Variants in TRPC1 observed in about 807,000 individuals in gnomAD.
The protein encoded by TRPC1 is transient receptor potential cation channel subfamily C member 1.
Under a neutral mutation model 88.2 loss-of-function variants are expected in TRPC1, and 42 were observed. That is an observed-to-expected ratio of 0.48 (90% CI 0.37 to 0.62). The LOEUF (loss-of-function observed/expected upper bound fraction) is 0.62, where lower values mean the gene tolerates loss of function less well. Ranked by LOEUF, TRPC1 falls within the 20% of genes least tolerant of loss-of-function variation. The pLI is 0.00. For synonymous variants in TRPC1, 288 were observed against 331.8 expected (o/e 0.87, Z 1.43); for missense variants, 699 against 957.3 (o/e 0.73, Z 3.56).
chr3:142,769,887 C>G (rs565206197), intron 4 of TRPC1, among the ~76,000 whole-genome samples: 1 of 151,876 alleles, frequency 6.6e-6, no homozygotes, highest in Non-Finnish European at 1.5e-5. Flanking sequence ...ATGTCTGTTA[C>G]GTCTAGTTCA....
chr3:142,736,181 C>T (rs1400829370), intron 1 of TRPC1, among the ~76,000 whole-genome samples, 198 bp from the exon 2 acceptor site: 1 of 151,548 alleles, frequency 6.6e-6, no homozygotes, highest in Non-Finnish European at 1.5e-5. Flanking sequence ...CTTTTTATGT[C>T]TGCTGCTGAT....
intron 1 of TRPC1, among the ~76,000 whole-genome samples, chr3:142,733,515 A>G (rs1362276587): frequency 6.6e-6 from 1 of 152,180 alleles, no homozygotes; most frequent in Non-Finnish European, 1.5e-5. Context: ...CTCTGTCTTA[A>G]AAACAAAACA....
chr3:142,724,396 C>G lies in TRPC1; in HGVS notation c.-164C>G, dbSNP rs1004888406. On this transcript the variant is annotated 5_prime_UTR_variant, in exon 1 of 13. Transcript: ENST00000476941. This position sits in a 1 kb window ranked among gnomAD's most constrained non-coding sequence, Gnocchi z 5.6. Reference sequence around the variant, plus strand: ...TCAGTGGAGGGCGAGTGCTGGTTCTCAGGGGAGGCGACGCCCTTCGGGGCC... The same window carrying G: ...TCAGTGGAGGGCGAGTGCTGGTTCTGAGGGGAGGCGACGCCCTTCGGGGCC... The G allele has an allele frequency of 1.7e-6, 1 of 575,404 alleles. No homozygotes were observed. The highest frequency in any genetic ancestry group is 2.8e-6 in the Non-Finnish European group (1 of 357,142). 35.6% of individuals were successfully genotyped at this position (575,404 alleles called of 1,614,324 possible).
At chr3:142,744,428 A>G (rs1044049430) in intron 3 of TRPC1, among the ~76,000 whole-genome samples, 4 of 152,144 alleles carry the variant, frequency 2.6e-5, no homozygotes, top group Non-Finnish European at 4.4e-5. Flanking sequence ...AATGTGGACA[A>G]AAATGTTGGT....
chr3:142,748,338 C>A lies in TRPC1; in HGVS notation c.510C>A (p.Asn170Lys), dbSNP rs187612054. 1.9e-6 allele frequency: 3 copies of A among 1,613,978 alleles called. No individual in the cohort carries two copies. The change falls in exon 4 of 13, where the codon AAC (asparagine) becomes AAA (lysine). Residue 170 changes from asparagine (N) to lysine (K), a missense_variant. By Grantham distance (94) the Asn-to-Lys change is moderately conservative. This residue lies in a region of TRPC1 where 426 missense variants were observed against 641.3 expected (regional missense o/e 0.66). Transcript: ENST00000476941. ...CTGTCATTTTAGCTGCTCATCGTAA[C>A]AACTATGAAATTCTTACAATGCTCT... Reference protein sequence around the residue: ...VAPVILAAHRNNYEILTMLLK... With the variant: ...VAPVILAAHRKNYEILTMLLK...
intron 1 of TRPC1, among the ~76,000 whole-genome samples, chr3:142,730,706 A>G (rs1270406754): frequency 7.6e-6 from 1 of 131,422 alleles, no homozygotes; most frequent in African/African-American, 3.2e-5. Flanking sequence ...TTCCAGATCC[A>G]GCAACTGAAC....
rs1936789440 is a variant in TRPC1, at chr3:142,806,199, G to A, written c.2346G>A (p.Arg782=). ...AAATAAGGGATTTACTTGGCTTTCG[G>A]ACTTCTAAATATGCTATGTTTTATC... ...RNEIRDLLGF[R]TSKYAMFYPR... is the part of the protein sequence containing the mutation. Residue 782 remains arginine (R), a synonymous_variant, in exon 13 of 13, where the codon CGG becomes CGA. Coordinates refer to ENST00000476941, the MANE Select transcript of TRPC1 (RefSeq NM_001251845.2). 7 of 1,612,726 alleles carry A rather than the reference G, an allele frequency of 4.3e-6. No individual in the cohort carries two copies. In the South Asian group the frequency reaches 7.7e-5, roughly 18 times the overall value.
intron 1 of TRPC1, among the ~76,000 whole-genome samples, chr3:142,734,787 T>TA (rs138090969): frequency 0.075 from 10,936 of 145,454 alleles, 557 homozygotes; most frequent in Middle Eastern, 0.17. Flanking sequence ...AAAATAAAAA[T>TA]AAAAAAAAAA....
intron 3 of TRPC1, among the ~76,000 whole-genome samples, chr3:142,746,150 T>C (rs1211049744): frequency 6.6e-6 from 1 of 152,144 alleles, no homozygotes; most frequent in African/African-American, 2.4e-5. Flanking sequence ...AGAAGAAAAA[T>C]ATTGTTTCTT....
intron 7 of TRPC1, among the ~76,000 whole-genome samples, chr3:142,787,650 C>T (rs552551820): frequency 1.3e-5 from 2 of 152,214 alleles, no homozygotes; most frequent in East Asian, 3.9e-4. Flanking sequence ...GCAGATATGG[C>T]CCATACACTC....
rs1312736047 is a variant in TRPC1 at position 142,800,850 on chromosome 3, G to A, written c.1582-1319G>A. On this transcript the variant is annotated intron_variant, in intron 9 of 12. Transcript: ENST00000476941. ...GGAGAATCACTTGAACTTGGGAGGCGGAGGTTTGTAGTAAGCTGAGATCAC... is the reference window on the plus strand; with the variant it reads ...GGAGAATCACTTGAACTTGGGAGGCAGAGGTTTGTAGTAAGCTGAGATCAC... Among the ~76,000 whole-genome samples, 12 of 151,510 alleles carry A rather than the reference G, an allele frequency of 7.9e-5. No homozygotes were observed. In the South Asian group the frequency reaches 8.4e-4, roughly 11 times the overall value.
At chr3:142,787,021 C>T (rs1936154175) in intron 7 of TRPC1, among the ~76,000 whole-genome samples, 1 of 152,122 alleles carries the variant, frequency 6.6e-6, no homozygotes, top group Non-Finnish European at 1.5e-5. Context: ...AACTATAGCT[C>T]TTCCCTTTTA....
intron 6 of TRPC1, among the ~76,000 whole-genome samples, chr3:142,782,600 G>A (rs1935997176): frequency 6.6e-6 from 1 of 152,066 alleles, no homozygotes; most frequent in Non-Finnish European, 1.5e-5. Context: ...TCCGTGTCTG[G>A]GAACTCATCT....
chr3:142,789,782 T>C (rs1241093943), intron 7 of TRPC1, among the ~76,000 whole-genome samples: 1 of 152,218 alleles, frequency 6.6e-6, no homozygotes, highest in Non-Finnish European at 1.5e-5. Context: ...GGAAAGTTTT[T>C]CTGTTTGTTT....
At chr3:142,760,884 T>C (rs1217157142) in intron 4 of TRPC1, among the ~76,000 whole-genome samples, 6 of 152,168 alleles carry the variant, frequency 3.9e-5, no homozygotes, top group Admixed American at 3.9e-4. Flanking sequence ...GATTTCTTTT[T>C]CAGATTGTTC....
rs1423438163 is a variant in TRPC1 at position 142,776,968 on chromosome 3, A to G, written c.633-664A>G. ...AAAGAAAAGATTTATTAGTCATCAA[A>G]TCCACATCATATTAAAAATTTATGT... On this transcript the variant is annotated intron_variant, in intron 4 of 12. Coordinates refer to ENST00000476941, the MANE Select transcript of TRPC1 (RefSeq NM_001251845.2). This position sits in a 1 kb window ranked among gnomAD's most constrained non-coding sequence, Gnocchi z 4.1. 6.6e-6 allele frequency among the ~76,000 whole-genome samples: 1 copy of G among 152,048 alleles called. No individual in the cohort carries two copies. The highest frequency in any genetic ancestry group is 2.4e-5 in the African/African-American group (1 of 41,396).
chr3:142,783,135 A>G (rs899362569), intron 6 of TRPC1, among the ~76,000 whole-genome samples: 5 of 152,208 alleles, frequency 3.3e-5, no homozygotes, highest in East Asian at 3.8e-4. Flanking sequence ...GAACATTTCT[A>G]GTTAAACTTT....
At chr3:142,764,571 C>T (rs1258453636) in intron 4 of TRPC1, among the ~76,000 whole-genome samples, 1 of 151,960 alleles carries the variant, frequency 6.6e-6, no homozygotes, top group Admixed American at 6.5e-5. Flanking sequence ...TCCCTTTGGG[C>T]ACTTTGAAAA....
At chr3:142,736,659 C>T in intron 2 of TRPC1, 126 bp downstream of exon 2, 1 of 876,370 alleles carries the variant, frequency 1.1e-6, no homozygotes, top group East Asian at 2.8e-5. Flanking sequence ...TTCTTTGTCT[C>T]TCTTACTCTC....
Sources: allele counts gnomAD v4.1 joint callset (sites outside exome capture counted in the v4.1 genomes callset), GRCh38; gene constraint gnomAD v4.1.1; regional missense constraint gnomAD v4.1.1; non-coding constraint Gnocchi (gnomAD v3.1); transcripts MANE v1.5; gene names NCBI Gene and HGNC (gene_info 2026-07-23, HGNC 2026-07-21).